Variants in ROBO1 observed in about 807,000 individuals in gnomAD.
The protein encoded by ROBO1 is roundabout guidance receptor 1.
A neutral mutation model predicts 195.9 loss-of-function variants in ROBO1; 149 were observed. The ratio of observed to expected loss-of-function variants is 0.76; its 90% CI spans 0.67 to 0.87. ROBO1 has a LOEUF of 0.87. Ranked by LOEUF, ROBO1 falls within the 40% of genes least tolerant of loss-of-function variation. ROBO1 has a pLI of 0.00. For missense variants in ROBO1, 1,933 were observed against 2,068.3 expected, an observed-to-expected ratio of 0.93 and a Z score of 1.27; for synonymous variants, 816 against 733.2, an observed-to-expected ratio of 1.11 and a Z score of -1.82.
intron 3 of ROBO1, among the ~76,000 whole-genome samples, chr3:79,029,235 T>C (rs1048916129): frequency 1.6e-4 from 24 of 152,182 alleles, no homozygotes; most frequent in Admixed American, 9.8e-4. Flanking sequence ...ACAACAGGAG[T>C]TTGAAAGACT....
intron 2 of ROBO1, among the ~76,000 whole-genome samples, chr3:79,228,555 T>TA (rs1559749904): frequency 6.6e-6 from 1 of 152,084 alleles, no homozygotes; most frequent in African/African-American, 2.4e-5. Flanking sequence ...GGGAGATTTT[T>TA]AAAAAACCTG....
chr3:79,537,236 G>A (rs753423459), intron 2 of ROBO1, among the ~76,000 whole-genome samples: 14 of 152,180 alleles, frequency 9.2e-5, no homozygotes, highest in Middle Eastern at 3.4e-3. Context: ...GCTTCTAGGG[G>A]AAGAAGGTTG....
At chr3:79,650,009 C>G (rs1248223308) in intron 1 of ROBO1, among the ~76,000 whole-genome samples, 2 of 151,794 alleles carry the variant, frequency 1.3e-5, no homozygotes, top group Non-Finnish European at 2.9e-5. Context: ...AATTTCTATA[C>G]TTTCTATTTT....
chr3:79,081,026 T>A (rs954194318), intron 3 of ROBO1, among the ~76,000 whole-genome samples: 1 of 152,024 alleles, frequency 6.6e-6, no homozygotes, highest in Admixed American at 6.6e-5. Flanking sequence ...TACATGAAAA[T>A]GCTGAAACCA....
At chr3:78,603,399 T>C (rs533683663) in intron 29 of ROBO1, among the ~76,000 whole-genome samples, 1 of 152,290 alleles carries the variant, frequency 6.6e-6, no homozygotes, top group East Asian at 1.9e-4. Flanking sequence ...TCAAGTATCA[T>C]GGCACTATGA....
chr3:79,530,244 TG>T (rs1056329710), intron 2 of ROBO1, among the ~76,000 whole-genome samples: 5 of 152,292 alleles, frequency 3.3e-5, no homozygotes, highest in Non-Finnish European at 7.4e-5. Context: ...GACACTTTTT[TG>T]GTTCTAATTT....
At chr3:79,557,540 C>T (rs2107695660) in intron 2 of ROBO1, among the ~76,000 whole-genome samples, 1 of 151,606 alleles carries the variant, frequency 6.6e-6, no homozygotes, top group Admixed American at 6.6e-5. Flanking sequence ...TTGAGGTCAG[C>T]CTGGCCAACA....
At chr3:79,439,373 G>C (rs2107109835) in intron 2 of ROBO1, among the ~76,000 whole-genome samples, 1 of 151,892 alleles carries the variant, frequency 6.6e-6, no homozygotes, top group Middle Eastern at 3.4e-3. Context: ...ATCTAGTTTT[G>C]GCATAAAATT....
intron 3 of ROBO1, chr3:79,018,367 C>A: frequency 6.2e-7 from 1 of 1,612,370 alleles, no homozygotes; most frequent in Non-Finnish European, 8.5e-7. Context: ...AGGGGGCGAA[C>A]AGGGAGGATC....
intron 2 of ROBO1, among the ~76,000 whole-genome samples, chr3:79,546,116 A>G (rs1329932593): frequency 2.6e-5 from 4 of 152,034 alleles, no homozygotes; most frequent in Non-Finnish European, 5.9e-5. Context: ...CTTAATAGTA[A>G]TGTATGTATA....
In ROBO1 at chr3:79,116,367, G is replaced by A. The variant is rs185785697; in HGVS notation, c.172+9089C>T. Among the ~76,000 whole-genome samples the A allele has an allele frequency of 4.2e-4, 28 of 66,552 alleles. No homozygotes were observed. In the South Asian group the frequency reaches 5.8e-3, roughly 14 times the overall value. The allele number at this position is 66,552 out of a possible 152,430, so 43.7% of individuals were successfully genotyped here. Reference sequence around the variant, plus strand: ...TTTCTTTTTCTTTCTTATTTTTTTCGTTCTTTTCTTTCTTTCTCTCTCCTT... The same window carrying A: ...TTTCTTTTTCTTTCTTATTTTTTTCATTCTTTTCTTTCTTTCTCTCTCCTT... On this transcript the variant is annotated intron_variant, in intron 3 of 30. Coordinates refer to ENST00000464233, the MANE Select transcript of ROBO1 (RefSeq NM_002941.4).
chr3:78,622,469 T>TA (rs1704513356), intron 26 of ROBO1, among the ~76,000 whole-genome samples: 1 of 152,216 alleles, frequency 6.6e-6, no homozygotes, highest in Non-Finnish European at 1.5e-5. Context: ...TAACATGCTT[T>TA]ATGCTTTATG....
intron 3 of ROBO1, among the ~76,000 whole-genome samples, chr3:78,944,610 G>T (rs2040315688): frequency 6.6e-6 from 1 of 152,252 alleles, no homozygotes; most frequent in Non-Finnish European, 1.5e-5. Context: ...AGTGATTTCT[G>T]CATTTCCAAC....
chr3:78,975,886 T>C (rs1287480021), intron 3 of ROBO1, among the ~76,000 whole-genome samples: 1 of 152,196 alleles, frequency 6.6e-6, no homozygotes, highest in Non-Finnish European at 1.5e-5. Context: ...TGCAGACCAT[T>C]ATTTCCTAAC....
At chr3:79,680,609 A>G (rs1202570930) in intron 1 of ROBO1, among the ~76,000 whole-genome samples, 1 of 151,972 alleles carries the variant, frequency 6.6e-6, no homozygotes, top group Non-Finnish European at 1.5e-5. Context: ...AATTAGCTGG[A>G]CTGGGTGTTT....
intron 2 of ROBO1, among the ~76,000 whole-genome samples, chr3:79,144,688 T>G (rs2080607308): frequency 6.6e-6 from 1 of 151,988 alleles, no homozygotes; most frequent in African/African-American, 2.4e-5. Context: ...CTCATTCTCC[T>G]TATATTAAAA....
At chr3:79,483,477 T>C (rs948733619) in intron 2 of ROBO1, among the ~76,000 whole-genome samples, 4 of 152,150 alleles carry the variant, frequency 2.6e-5, no homozygotes, top group African/African-American at 9.7e-5. Flanking sequence ...CAAGGATATA[T>C]TCTGAGAGAT....
intron 19 of ROBO1, among the ~76,000 whole-genome samples, chr3:78,649,389 G>C (rs7633183): frequency 2.0e-5 from 3 of 152,054 alleles, no homozygotes; most frequent in Non-Finnish European, 4.4e-5. Flanking sequence ...AAACTCTCTG[G>C]GTCCCTAAGT....
intron 2 of ROBO1, among the ~76,000 whole-genome samples, chr3:79,178,565 A>C (rs572754210): frequency 6.6e-6 from 1 of 152,354 alleles, no homozygotes; most frequent in South Asian, 2.1e-4. Context: ...AATAAAATGA[A>C]GCATGAGTCT....
Sources: gnomAD v4.1 joint callset for allele counts (sites outside exome capture counted in the v4.1 genomes callset) on GRCh38, gnomAD v4.1.1 for gene constraint, MANE v1.5 for transcripts, NCBI Gene and HGNC (gene_info 2026-07-23, HGNC 2026-07-21) for gene names.